The following TTLL4 variants were observed in gnomAD, a reference collection of about 807,000 sequenced individuals.
The protein encoded by TTLL4 is tubulin tyrosine ligase like 4.
A neutral mutation model predicts 122.7 loss-of-function variants in TTLL4; 85 were observed. The ratio of observed to expected loss-of-function variants is 0.69; its 90% CI spans 0.58 to 0.83. The LOEUF (loss-of-function observed/expected upper bound fraction) is 0.83, where lower values mean the gene tolerates loss of function less well. TTLL4 is among the 40% of genes least tolerant of loss of function. The probability of loss-of-function intolerance (pLI) is 0.00; values close to 1 mark genes in which losing one functional copy is unlikely to be tolerated. For synonymous variants in TTLL4, 553 were observed against 563.0 expected, an observed-to-expected ratio of 0.98 and a Z score of 0.25; for missense variants, 1,363 against 1,488.6, an observed-to-expected ratio of 0.92 and a Z score of 1.39.
intron 11 of TTLL4, 85 bp from the exon 12 acceptor site, chr2:218,748,020 T>C: frequency 6.4e-7 from 1 of 1,553,454 alleles, no homozygotes; most frequent in Non-Finnish European, 8.8e-7. Flanking sequence ...GTTCTACACC[T>C]CTTCAGGATT....
At chr2:218,735,555 C>G (rs1942493619) in intron 2 of TTLL4, among the ~76,000 whole-genome samples, 1 of 152,140 alleles carries the variant, frequency 6.6e-6, no homozygotes, top group African/African-American at 2.4e-5. Context: ...GTTTGGGTGA[C>G]AGAGCAAGAC....
chr2:218,730,583 T>C (rs1942354292), intron 2 of TTLL4, among the ~76,000 whole-genome samples: 1 of 152,080 alleles, frequency 6.6e-6, no homozygotes, highest in Non-Finnish European at 1.5e-5. Flanking sequence ...ATTCCTAATC[T>C]CAGAGGAAAA....
chr2:218,738,880 G>A lies in TTLL4; in HGVS notation c.1204G>A (p.Gly402Ser). 1.9e-6 allele frequency: 3 copies of A among 1,614,182 alleles called. No individual in the cohort carries two copies. The highest frequency in any genetic ancestry group is 2.5e-6 in the Non-Finnish European group (3 of 1,180,050). Residue 402 changes from glycine (G) to serine (S), a missense_variant, in exon 3 of 20, where the codon GGT (glycine) becomes AGT (serine). Gly to Ser is a moderately conservative substitution (Grantham distance 56). Coordinates refer to ENST00000392102, the MANE Select transcript of TTLL4 (RefSeq NM_014640.5). ...DAGSVRRVLP[G>S]ASDTLGLDNT... ...TGGATCGGTCAGGCGGGTCCTCCCT[G>A]GTGCCTCAGATACCTTGGGGTTGGA...
At chr2:218,741,116 G>A (rs1416806783) in intron 5 of TTLL4, among the ~76,000 whole-genome samples, 1 of 152,132 alleles carries the variant, frequency 6.6e-6, no homozygotes, top group Non-Finnish European at 1.5e-5. Context: ...TGGGCTGGGC[G>A]CAGTGGCTTA....
intron 5 of TTLL4, among the ~76,000 whole-genome samples, chr2:218,744,531 T>G (rs1236381767): frequency 6.6e-6 from 1 of 152,210 alleles, no homozygotes; most frequent in African/African-American, 2.4e-5. Flanking sequence ...TACATAAAAT[T>G]ACAGTGTCAC....
chr2:218,729,644 C>T (rs78208498), intron 2 of TTLL4, among the ~76,000 whole-genome samples: 3 of 149,300 alleles, frequency 2.0e-5, no homozygotes, highest in African/African-American at 5.0e-5. Context: ...AACTAACTTT[C>T]GTGTATTGAT....
rs780159730 is a variant in TTLL4 at position 218,740,135 on chromosome 2, G to C, written c.1565G>C (p.Cys522Ser). Residue 522 changes from cysteine to serine, a missense_variant, in exon 4 of 20, where the codon TGT (cysteine) becomes TCT (serine). Cys to Ser is a moderately radical substitution (Grantham distance 112). This residue lies in a region of TTLL4 where 760 missense variants were observed against 808.4 expected (regional missense o/e 0.94). Transcript: ENST00000392102. ...GAACTAGTAGATGGTTTGGAAGACTGTTGTAGCCGTGATGAGAATGAAGAG... is the reference window on the plus strand; with the variant it reads ...GAACTAGTAGATGGTTTGGAAGACTCTTGTAGCCGTGATGAGAATGAAGAG... ...EEELVDGLED[C>S]CSRDENEEEE... 1 of 1,614,208 alleles carries C rather than the reference G, an allele frequency of 6.2e-7. No homozygotes were observed. The highest frequency in any genetic ancestry group is 1.1e-5 in the South Asian group (1 of 91,088).
chr2:218,725,836 G>A (rs957665490), intron 1 of TTLL4, among the ~76,000 whole-genome samples: 3 of 152,192 alleles, frequency 2.0e-5, no homozygotes, highest in Non-Finnish European at 4.4e-5. Flanking sequence ...GATTACAGAT[G>A]TGAGCCACCA....
chr2:218,720,281 A>G (rs1180516454), intron 1 of TTLL4, among the ~76,000 whole-genome samples: 1 of 152,170 alleles, frequency 6.6e-6, no homozygotes, highest in Non-Finnish European at 1.5e-5. Flanking sequence ...AGGATGAAAG[A>G]ACTGGAGGAT....
At chr2:218,740,478 C>T (rs1423111463) in intron 4 of TTLL4, 43 bp from the exon 5 acceptor site, 2 of 1,601,522 alleles carry the variant, frequency 1.2e-6, no homozygotes, top group East Asian at 2.2e-5. Flanking sequence ...GTTTGTGCTG[C>T]AGCCTCTTCT....
rs1015892351 is a variant in TTLL4, at chr2:218,720,598, C to T, written c.-177-6671C>T. Among the ~76,000 whole-genome samples the T allele has an allele frequency of 2.0e-5, 3 of 148,678 alleles. No individual in the cohort carries two copies. The Admixed American group carries it at 2.1e-4, about 10-fold the overall frequency. ...CTGAGGCGGGAGAATTGCATGAACG[C>T]GGGAGGCAGAGGTTGCAGCGAGCCG... is the stretch of plus-strand genomic sequence containing the variant. On this transcript the variant is annotated intron_variant, in intron 1 of 19. Coordinates refer to ENST00000392102, the MANE Select transcript of TTLL4 (RefSeq NM_014640.5).
intron 12 of TTLL4, chr2:218,748,438 T>C (rs1575181630): frequency 4.4e-6 from 3 of 681,246 alleles, no homozygotes; most frequent in Non-Finnish European, 6.9e-6. Context: ...GTGGATCACC[T>C]GAGTTCAGGA....
At chr2:218,716,490 A>G (rs1181675721) in intron 1 of TTLL4, among the ~76,000 whole-genome samples, 1 of 152,196 alleles carries the variant, frequency 6.6e-6, no homozygotes, top group Non-Finnish European at 1.5e-5. Context: ...GAGATTTAAT[A>G]TAATTTACAC....
chr2:218,746,626 A>AATCTGGAATGAGCCTGGGAAATGGTTT, intron 8 of TTLL4: 1 of 356,656 alleles, frequency 2.8e-6, no homozygotes. Context: ...CCATTCTCCC[A>AATCTGGAATGAGCCTGGGAAATGGTTT]AGCTGAATAT....
chr2:218,747,070 T>A lies in TTLL4; in HGVS notation c.2042T>A (p.Met681Lys). ...CGGCTATGGCGGAACCTGTCACGTA[T>A]GCAGAGCCGCTTTGGCAAGAAGGAG... ...KDRLWRNLSR[M>K]QSRFGKKEFS... The change falls in exon 9 of 20, where the codon ATG becomes AAG. Residue 681 changes from methionine (M) to lysine (K), a missense_variant. This residue lies in a region of TTLL4 where 596 missense variants were observed against 655.8 expected (regional missense o/e 0.91). Transcript: ENST00000392102. This position sits in a 1 kb window ranked among gnomAD's most constrained non-coding sequence, Gnocchi z 4.7. The A allele has an allele frequency of 1.2e-6, 2 of 1,614,220 alleles. No homozygotes were observed. The highest frequency in any genetic ancestry group is 1.7e-6 in the Non-Finnish European group (2 of 1,180,036).
chr2:218,738,611 T>G lies in TTLL4; in HGVS notation c.935T>G (p.Met312Arg). The stretch of plus-strand genomic sequence containing the variant: ...TGGTATAACCGGAATAACTTAGCCA[T>G]GAGGGCAGAGCCACTTTCCTGTGCT... Reference protein sequence around the residue: ...SSWYNRNNLAMRAEPLSCALD... With the variant: ...SSWYNRNNLARRAEPLSCALD... Residue 312 changes from methionine to arginine, a missense_variant, in exon 3 of 20, where the codon ATG (methionine) becomes AGG (arginine). Transcript: ENST00000392102. The G allele has an allele frequency of 6.2e-7, 1 of 1,614,198 alleles. No homozygotes were observed. Among genetic ancestry groups the G allele is most frequent in the Non-Finnish European group, 8.5e-7 (1 of 1,180,042 alleles).
chr2:218,722,104 A>G lies in TTLL4; in HGVS notation c.-177-5165A>G, dbSNP rs547010331. Among the ~76,000 whole-genome samples the G allele has an allele frequency of 2.2e-4, 34 of 152,252 alleles. No homozygotes were observed. In the Middle Eastern group the frequency reaches 0.014, roughly 61 times the overall value. ...TGAGACTAGCCCTGGCAAGATAGCA[A>G]GACCTTATCTCTACAAAAAATAAAA... On this transcript the variant is annotated intron_variant, in intron 1 of 19. Coordinates refer to ENST00000392102, the MANE Select transcript of TTLL4 (RefSeq NM_014640.5).
intron 5 of TTLL4, among the ~76,000 whole-genome samples, chr2:218,740,852 C>A (rs1348833118): frequency 6.6e-6 from 1 of 151,986 alleles, no homozygotes; most frequent in South Asian, 2.1e-4. Context: ...GCAGGCGGAT[C>A]TCCTGAGGTC....
At chr2:218,744,313 A>G (rs969412360) in intron 5 of TTLL4, among the ~76,000 whole-genome samples, 2 of 152,128 alleles carry the variant, frequency 1.3e-5, no homozygotes, top group African/African-American at 2.4e-5. Flanking sequence ...AGTAATAGCT[A>G]TTTTCTCCAT....
Sources: gnomAD v4.1 joint callset for allele counts (sites outside exome capture counted in the v4.1 genomes callset) on GRCh38, gnomAD v4.1.1 for gene constraint, gnomAD v4.1.1 regional missense constraint, Gnocchi (gnomAD v3.1) non-coding constraint, MANE v1.5 for transcripts, NCBI Gene and HGNC (gene_info 2026-07-23, HGNC 2026-07-21) for gene names.